The following SCP2 variants were observed in gnomAD, a reference collection of about 807,000 sequenced individuals.
SCP2 encodes SCP-2/3-oxoacyl-CoA thiolase.
A neutral mutation model predicts 71.4 loss-of-function variants in SCP2; 48 were observed. The observed-to-expected ratio is 0.67, with a 90% CI of 0.53 to 0.86. The LOEUF (loss-of-function observed/expected upper bound fraction) is 0.86. Ranked by LOEUF, SCP2 falls within the 40% of genes least tolerant of loss-of-function variation. The pLI is 0.00. For synonymous variants in SCP2, 220 were observed against 218.1 expected (o/e 1.01, Z -0.08); for missense variants, 560 against 655.6 (o/e 0.85, Z 1.59).
At chr1:53,000,971 T>A (rs1170407254) in intron 11 of SCP2, among the ~76,000 whole-genome samples, 1 of 151,260 alleles carries the variant, frequency 6.6e-6, no homozygotes, top group East Asian at 1.9e-4. Flanking sequence ...AAGAAAAAAA[T>A]TATATATATA....
chr1:53,050,640 G>A lies in SCP2; in HGVS notation c.1580G>A (p.Gly527Asp). 6.2e-7 allele frequency: 1 copy of A among 1,613,476 alleles called. No homozygotes were observed. The highest frequency in any genetic ancestry group is 8.5e-7 in the Non-Finnish European group (1 of 1,179,564). Residue 527 changes from glycine to aspartate, a missense_variant, in exon 16 of 16, where the codon GGC becomes GAC. This residue lies in a region of SCP2 where 43 missense variants were observed against 65.9 expected (regional missense o/e 0.65). Transcript: ENST00000371514. ...AFFQGKLKIT[G>D]NMGLAMKLQN... is the part of the protein sequence containing the mutation. ...TTTCAAGGCAAATTGAAAATCACTG[G>A]CAACATGGGTCTCGCTATGAAGTTA...
chr1:53,023,996 C>T (rs17107624), intron 12 of SCP2, among the ~76,000 whole-genome samples: 21,094 of 152,078 alleles, frequency 0.14, 2,135 homozygotes, highest in East Asian at 0.37. Flanking sequence ...CCTCTTTCTT[C>T]GCTTGAGTCT....
intron 11 of SCP2, among the ~76,000 whole-genome samples, chr1:53,005,030 C>T (rs1485239095): frequency 3.9e-5 from 6 of 152,226 alleles, no homozygotes; most frequent in African/African-American, 1.4e-4. Flanking sequence ...TTGCTGCTAG[C>T]ACAGCAGTCT....
chr1:52,942,613 G>T (rs1451051370), intron 2 of SCP2, among the ~76,000 whole-genome samples: 2 of 146,834 alleles, frequency 1.4e-5, no homozygotes, highest in Non-Finnish European at 3.0e-5. Context: ...TATATATAAA[G>T]AATTTTTTTT....
intron 11 of SCP2, among the ~76,000 whole-genome samples, chr1:53,003,241 C>T (rs1407342644): frequency 1.3e-5 from 2 of 152,088 alleles, no homozygotes; most frequent in African/African-American, 4.8e-5. Context: ...TTTTTGAAAC[C>T]AGGATTTCGC....
intron 11 of SCP2, among the ~76,000 whole-genome samples, chr1:53,006,124 CTA>C (rs1557603105): frequency 6.6e-6 from 1 of 152,102 alleles, no homozygotes; most frequent in African/African-American, 2.4e-5. Flanking sequence ...AAATATGGGA[CTA>C]TGTGAAAAGA....
intron 3 of SCP2, 41 bp from the exon 4 acceptor site, chr1:52,950,714 T>A (rs1655210790): frequency 6.4e-7 from 1 of 1,572,646 alleles, no homozygotes; most frequent in Admixed American, 1.7e-5. Context: ...GCATTGCAAC[T>A]CCATAATTCT....
At chr1:53,001,133 A>T (rs185814963) in intron 11 of SCP2, among the ~76,000 whole-genome samples, 1 of 152,256 alleles carries the variant, frequency 6.6e-6, no homozygotes, top group Admixed American at 6.5e-5. Flanking sequence ...GGGTTAGGAT[A>T]TACAAGGTAA....
At chr1:53,033,588 G>C (rs956193121) in intron 13 of SCP2, among the ~76,000 whole-genome samples, 1 of 122,532 alleles carries the variant, frequency 8.2e-6, no homozygotes, top group Admixed American at 9.5e-5. Flanking sequence ...CTGGGAGACA[G>C]AGCAAAACTC....
Position 52,988,082 on chromosome 1 carries a change from G to T in SCP2, c.1027G>T (p.Val343Phe). Residue 343 changes from valine (V) to phenylalanine (F), a missense_variant, in exon 11 of 16, where the codon GTC (valine) becomes TTC (phenylalanine). This residue lies in a region of SCP2 where 513 missense variants were observed against 573.1 expected (regional missense o/e 0.90). Coordinates refer to ENST00000371514, the MANE Select transcript of SCP2 (RefSeq NM_002979.5). ...RGDNTYGGKW[V>F]INPSGGLISK... ...AGATAATACATATGGAGGAAAGTGGGTCATAAATCCTAGTGGTGGACTGAT... is the reference window on the plus strand; with the variant it reads ...AGATAATACATATGGAGGAAAGTGGTTCATAAATCCTAGTGGTGGACTGAT... The T allele has an allele frequency of 6.2e-7, 1 of 1,608,984 alleles. No individual in the cohort carries two copies. The highest frequency in any genetic ancestry group is 8.5e-7 in the Non-Finnish European group (1 of 1,175,610).
chr1:52,995,444 G>T, intron 11 of SCP2: 1 of 442,726 alleles, frequency 2.3e-6, no homozygotes. Context: ...CACTTCCCTG[G>T]CCAGCTCAAT....
intron 15 of SCP2, 177 bp from the exon 16 acceptor site, chr1:53,050,432 A>G (rs1664131704): frequency 5.4e-6 from 3 of 559,622 alleles, no homozygotes; most frequent in South Asian, 4.0e-5. Context: ...TGGCCTTTAC[A>G]AATTCTTCCT....
intron 5 of SCP2, among the ~76,000 whole-genome samples, chr1:52,960,566 G>GGA (rs1656288067): frequency 7.0e-6 from 1 of 142,902 alleles, no homozygotes; most frequent in Non-Finnish European, 1.5e-5. Context: ...ATATATGTAT[G>GGA]TATATATATG....
At chr1:52,959,625 A>AT (rs1323845783) in intron 5 of SCP2, among the ~76,000 whole-genome samples, 1 of 151,324 alleles carries the variant, frequency 6.6e-6, no homozygotes, top group Non-Finnish European at 1.5e-5. Flanking sequence ...GAGGTTGTCT[A>AT]TTTTTTTTGT....
Position 52,939,281 on chromosome 1 carries a change from C to T in SCP2, c.70-2515C>T, listed in dbSNP as rs1653996879. ...TCTGTGTGGTTCCATCATAGTGGCT[C>T]GTGACTGTAATCCCAGCACTTTGAG... On this transcript the variant is annotated intron_variant, in intron 1 of 15. Transcript: ENST00000371514. Among the ~76,000 whole-genome samples the T allele has an allele frequency of 2.0e-5, 3 of 152,262 alleles. No individual in the cohort carries two copies. In the South Asian group the frequency reaches 6.2e-4, roughly 32 times the overall value.
chr1:52,961,077 T>C (rs1303631363), intron 5 of SCP2, among the ~76,000 whole-genome samples: 2 of 149,720 alleles, frequency 1.3e-5, no homozygotes, highest in Admixed American at 6.6e-5. Flanking sequence ...TTTTTTTTTT[T>C]TTTTTTTTTT....
At chr1:52,974,053 A>T (rs1004989873) in intron 6 of SCP2, among the ~76,000 whole-genome samples, 2 of 151,900 alleles carry the variant, frequency 1.3e-5, no homozygotes, top group Non-Finnish European at 2.9e-5. Context: ...TAAAACAGAC[A>T]TGGGGAACTT....
At position 52,986,931 on chromosome 1, in the gene SCP2, T is replaced by C. The variant is rs142288493; in HGVS notation, c.974-1098T>C. On this transcript the variant is annotated intron_variant, in intron 10 of 15. Coordinates refer to ENST00000371514, the MANE Select transcript of SCP2 (RefSeq NM_002979.5). ...TATCACTTCATTCACATGGATTCAA[T>C]GTAGTACTCAGCACATACAAATTGA... 2.0e-4 allele frequency among the ~76,000 whole-genome samples: 30 copies of C among 150,406 alleles called. 1 individual carries two copies. Among genetic ancestry groups the C allele is most frequent in the African/African-American group, 7.0e-4 (29 of 41,312 alleles).
chr1:52,955,404 A>G (rs975156307), intron 5 of SCP2, among the ~76,000 whole-genome samples: 14 of 152,234 alleles, frequency 9.2e-5, no homozygotes, highest in Non-Finnish European at 1.8e-4. Context: ...TAATACCCAC[A>G]TTAAATTGAT....
Sources: allele counts gnomAD v4.1 joint callset (sites outside exome capture counted in the v4.1 genomes callset), GRCh38; gene constraint gnomAD v4.1.1; regional missense constraint gnomAD v4.1.1; transcripts MANE v1.5; gene names NCBI Gene and HGNC (gene_info 2026-07-23, HGNC 2026-07-21).